MYO9A: variants seen among roughly 807,000 people sequenced by gnomAD.
MYO9A encodes the protein myosin IXA.
MYO9A carries 103 observed loss-of-function variants against 293.3 expected under a neutral mutation model. That is an observed-to-expected ratio of 0.35 (90% CI 0.30 to 0.41). The LOEUF (loss-of-function observed/expected upper bound fraction) is 0.41, where lower values mean the gene tolerates loss of function less well. Among genes scored for constraint, MYO9A ranks in the 10% least tolerant of loss-of-function variants. The probability of loss-of-function intolerance (pLI) is 1.00; values close to 1 mark genes in which losing one functional copy is unlikely to be tolerated. For synonymous variants in MYO9A, 1,001 were observed against 1,035.7 expected (o/e 0.97, Z 0.64); for missense variants, 2,685 against 3,033.0 (o/e 0.89, Z 2.69).
chr15:71,848,641 A>G (rs1303802636), intron 39 of MYO9A, among the ~76,000 whole-genome samples: 2 of 152,252 alleles, frequency 1.3e-5, no homozygotes, highest in Admixed American at 6.5e-5. Context: ...AATTCTGCAC[A>G]CTTAATCACA....
At chr15:71,905,523 G>A (rs1013998832) in intron 19 of MYO9A, among the ~76,000 whole-genome samples, 4 of 151,900 alleles carry the variant, frequency 2.6e-5, no homozygotes, top group Non-Finnish European at 2.9e-5. Context: ...GGTGGCTCAC[G>A]CCTATAATCC....
chr15:72,013,803 T>G (rs1236617076), intron 6 of MYO9A, among the ~76,000 whole-genome samples: 1 of 152,158 alleles, frequency 6.6e-6, no homozygotes, highest in Non-Finnish European at 1.5e-5. Flanking sequence ...CATACTATCT[T>G]GTCTCTTTTT....
At chr15:71,960,249 T>G in intron 13 of MYO9A, 153 bp from the exon 14 acceptor site, 1 of 650,474 alleles carries the variant, frequency 1.5e-6, no homozygotes, top group Non-Finnish European at 2.6e-6. Context: ...TAGGAGGTGT[T>G]TGGGTCATGG....
In MYO9A at chr15:71,899,881, C is replaced by T; in HGVS notation, c.3276G>A (p.Gln1092=). 6.2e-7 allele frequency: 1 copy of T among 1,614,134 alleles called. No homozygotes were observed. Among genetic ancestry groups the T allele is most frequent in the Non-Finnish European group, 8.5e-7 (1 of 1,180,040 alleles). Residue 1092 remains glutamine (Q), a synonymous_variant, in exon 24 of 42, where the codon CAG becomes CAA. Transcript: ENST00000356056. ...QASWRAHLER[Q]RYLELRAAAI... is the part of the protein sequence containing the mutation. Reference sequence around the variant, plus strand: ...CTGCAGCCCGTAACTCCAAGTACCGCTGCCTCTCTAAGTGAGCACGCCAGG... The same window carrying T: ...CTGCAGCCCGTAACTCCAAGTACCGTTGCCTCTCTAAGTGAGCACGCCAGG...
At chr15:72,085,589 T>C (rs1214791987) in intron 1 of MYO9A, among the ~76,000 whole-genome samples, 3 of 152,208 alleles carry the variant, frequency 2.0e-5, no homozygotes, top group Non-Finnish European at 4.4e-5. Context: ...TCTATGATCT[T>C]CGTTCCTATC....
At chr15:72,036,062 A>C (rs960127183) in intron 2 of MYO9A, among the ~76,000 whole-genome samples, 11 of 152,070 alleles carry the variant, frequency 7.2e-5, no homozygotes, top group Non-Finnish European at 1.0e-4. Context: ...TCAAAATATA[A>C]GGCACAAAAA....
Position 71,875,834 on chromosome 15 carries a change from G to A in MYO9A, c.5936C>T (p.Pro1979Leu). 7.3e-7 allele frequency: 1 copy of A among 1,374,520 alleles called. No homozygotes were observed. 85.1% of individuals were successfully genotyped at this position (1,374,520 alleles called of 1,614,324 possible). The change falls in exon 32 of 42, where the codon CCA (proline) becomes CTA (leucine). Residue 1979 changes from proline to leucine, a missense_variant. Coordinates refer to ENST00000356056, the MANE Select transcript of MYO9A (RefSeq NM_006901.4). ...KTSDCTATKV[P>L]KTERKKRRKK... ...CCTTCTTTTCTTTCTTTCTGTTTTT[G>A]GCACCTGACAGGGGGACAGGAGATA... is the stretch of plus-strand genomic sequence containing the variant.
chr15:71,880,659 A>T (rs2056847284), intron 28 of MYO9A, 101 bp from the exon 29 acceptor site: 3 of 1,012,750 alleles, frequency 3.0e-6, no homozygotes, highest in Non-Finnish European at 4.3e-6. Context: ...TCACTGAAGG[A>T]AACATGCAAA....
At chr15:71,868,148 A>G (rs1172401669) in intron 32 of MYO9A, among the ~76,000 whole-genome samples, 1 of 152,182 alleles carries the variant, frequency 6.6e-6, no homozygotes, top group Non-Finnish European at 1.5e-5. Context: ...CTGTGGAACA[A>G]TCTGCTTCCA....
Position 71,826,752 on chromosome 15 carries a change from GT to G in MYO9A, c.7474del (p.Thr2492ProfsTer11). ...EDKPQFISRG[T>X]FNPEKGKQKL... ...TTGTTTGCCCTTTTCCGGGTTGAAGGTTCCTCTGCTGATGAACTGAGGCTTG... is the reference window on the plus strand; with the variant it reads ...TTGTTTGCCCTTTTCCGGGTTGAAGGTCCTCTGCTGATGAACTGAGGCTTG... On this transcript the variant is annotated frameshift_variant, in exon 42 of 42. Coordinates refer to ENST00000356056, the MANE Select transcript of MYO9A (RefSeq NM_006901.4). LOFTEE classifies it high-confidence loss of function. 1.2e-6 allele frequency: 2 copies of G among 1,614,112 alleles called. No homozygotes were observed. The highest frequency in any genetic ancestry group is 1.7e-6 in the Non-Finnish European group (2 of 1,179,986).
chr15:72,037,630 TTGA>T (rs575757716), intron 2 of MYO9A, among the ~76,000 whole-genome samples: 2 of 152,284 alleles, frequency 1.3e-5, no homozygotes, highest in South Asian at 4.1e-4. Flanking sequence ...AGTACAGTTT[TTGA>T]TGATCTCATG....
In MYO9A at chr15:71,878,128, G is replaced by C; in HGVS notation, c.5843C>G (p.Ser1948Cys). The C allele has an allele frequency of 6.2e-7, 1 of 1,611,648 alleles. No individual in the cohort carries two copies. Among genetic ancestry groups the C allele is most frequent in the Non-Finnish European group, 8.5e-7 (1 of 1,178,544 alleles). Reference sequence around the variant, plus strand: ...AGTGTTGACCCAAACTCTCACTGGAGATTCACCCAGTGAATCACGCTGCTC... The same window carrying C: ...AGTGTTGACCCAAACTCTCACTGGACATTCACCCAGTGAATCACGCTGCTC... ...RLEQRDSLGE[S>C]PVRVWVNTFK... Residue 1948 changes from serine (S) to cysteine (C), a missense_variant, in exon 31 of 42, where the codon TCT becomes TGT. Ser to Cys is a moderately radical substitution (Grantham distance 112, BLOSUM62 -1). Around this residue, in one of 10 missense-constraint regions of MYO9A, gnomAD observed 1,434 missense variants for 1,497.7 expected, o/e 0.96. Transcript: ENST00000356056.
At chr15:72,104,527 C>G (rs2080501759) in intron 1 of MYO9A, among the ~76,000 whole-genome samples, 1 of 152,190 alleles carries the variant, frequency 6.6e-6, no homozygotes, top group Admixed American at 6.5e-5. Context: ...GTATCCTCCC[C>G]AGTGCCTACA....
intron 19 of MYO9A, among the ~76,000 whole-genome samples, chr15:71,914,071 C>A (rs897111621): frequency 3.3e-5 from 5 of 152,176 alleles, no homozygotes; most frequent in Admixed American, 6.5e-5. Context: ...GACCCCTCAG[C>A]AGATCTCTAG....
At chr15:72,023,903 T>C (rs774263841) in intron 4 of MYO9A, among the ~76,000 whole-genome samples, 2 of 152,058 alleles carry the variant, frequency 1.3e-5, no homozygotes, top group African/African-American at 4.8e-5. Flanking sequence ...CAAACCAAAA[T>C]TCTTGAAAGG....
intron 1 of MYO9A, among the ~76,000 whole-genome samples, chr15:72,111,146 G>C (rs890035618): frequency 6.8e-6 from 1 of 147,348 alleles, no homozygotes; most frequent in Admixed American, 6.8e-5. Flanking sequence ...GCAACAGAGC[G>C]AGACTCCATC....
intron 4 of MYO9A, 70 bp from the exon 5 acceptor site, chr15:72,021,087 G>A (rs1171143267): frequency 2.2e-6 from 2 of 915,568 alleles, no homozygotes; most frequent in Middle Eastern, 2.1e-4. Context: ...GGGGGAGGGG[G>A]GAAGCAAACA....
chr15:71,857,643 CTT>C (rs1270248676), intron 34 of MYO9A, among the ~76,000 whole-genome samples: 2 of 149,622 alleles, frequency 1.3e-5, no homozygotes, highest in Non-Finnish European at 3.0e-5. Context: ...TAAATGTACT[CTT>C]TTGTCTCTAG....
chr15:71,849,951 A>C, intron 38 of MYO9A, 85 bp downstream of exon 38: 1 of 1,520,024 alleles, frequency 6.6e-7, no homozygotes, highest in Non-Finnish European at 9.1e-7. Context: ...TTATGAACCC[A>C]TTCACTATGT....
Sources: gnomAD v4.1 joint callset for allele counts (sites outside exome capture counted in the v4.1 genomes callset) on GRCh38, gnomAD v4.1.1 for gene constraint, gnomAD v4.1.1 regional missense constraint, MANE v1.5 for transcripts, NCBI Gene and HGNC (gene_info 2026-07-23, HGNC 2026-07-21) for gene names.